Variants in GRM7 observed in about 807,000 individuals in gnomAD.
The protein encoded by GRM7 is glutamate metabotropic receptor 7.
Under a neutral mutation model 84.5 loss-of-function variants are expected in GRM7, and 35 were observed. The ratio of observed to expected loss-of-function variants is 0.41; its 90% CI spans 0.32 to 0.55. GRM7 has a LOEUF of 0.55. GRM7 is among the 20% of genes least tolerant of loss of function. The pLI is 0.19. For synonymous variants in GRM7, 487 were observed against 455.1 expected, an observed-to-expected ratio of 1.07 and a Z score of -0.89; for missense variants, 1,003 against 1,194.6, an observed-to-expected ratio of 0.84 and a Z score of 2.36.
intron 2 of GRM7, among the ~76,000 whole-genome samples, chr3:7,186,507 G>A (rs966375885): frequency 6.6e-6 from 1 of 152,160 alleles, no homozygotes; most frequent in African/African-American, 2.4e-5. Context: ...AATCCTGATT[G>A]TTCATTAAAA....
At chr3:7,646,361 T>A (rs1698637909) in intron 8 of GRM7, among the ~76,000 whole-genome samples, 1 of 151,950 alleles carries the variant, frequency 6.6e-6, no homozygotes, top group African/African-American at 2.4e-5. Context: ...TCGGCTAATT[T>A]TTTTGTATTT....
intron 4 of GRM7, among the ~76,000 whole-genome samples, chr3:7,384,284 C>T (rs1372230869): frequency 3.3e-5 from 5 of 152,068 alleles, no homozygotes; most frequent in Non-Finnish European, 7.4e-5. Context: ...CCACCTTGAC[C>T]CCCCAAAGTG....
At chr3:7,228,138 C>T (rs548210789) in intron 2 of GRM7, among the ~76,000 whole-genome samples, 1 of 152,246 alleles carries the variant, frequency 6.6e-6, no homozygotes, top group East Asian at 1.9e-4. Context: ...GATTGCCCCA[C>T]CTTCAGACCT....
chr3:6,986,851 T>C (rs140024685), intron 1 of GRM7, among the ~76,000 whole-genome samples: 3 of 152,308 alleles, frequency 2.0e-5, no homozygotes, highest in African/African-American at 7.2e-5. Flanking sequence ...GTGAGCTGCA[T>C]GATTGGAGGG....
intron 2 of GRM7, among the ~76,000 whole-genome samples, chr3:7,149,550 G>A (rs553817388): frequency 2.0e-4 from 30 of 152,180 alleles, no homozygotes; most frequent in Admixed American, 5.2e-4. Flanking sequence ...CTGCAGGCTC[G>A]AAAAAGTCAC....
chr3:7,218,549 T>C (rs921740688), intron 2 of GRM7, among the ~76,000 whole-genome samples: 2 of 152,018 alleles, frequency 1.3e-5, no homozygotes, highest in African/African-American at 4.8e-5. Context: ...AAAGGTAAAA[T>C]TTACCTGTAA....
chr3:7,295,157 T>C (rs1699771677), intron 2 of GRM7, among the ~76,000 whole-genome samples: 1 of 152,230 alleles, frequency 6.6e-6, no homozygotes, highest in African/African-American at 2.4e-5. Context: ...CTTGGGTGTA[T>C]TATCCATTTA....
intron 8 of GRM7, among the ~76,000 whole-genome samples, chr3:7,605,506 A>T (rs1696519776): frequency 6.6e-6 from 1 of 152,204 alleles, no homozygotes; most frequent in Admixed American, 6.5e-5. Context: ...TCACAGCAGA[A>T]AAAAATCTTG....
At chr3:6,974,895 T>C (rs181436730) in intron 1 of GRM7, among the ~76,000 whole-genome samples, 175 of 152,228 alleles carry the variant, frequency 1.1e-3, no homozygotes, top group Middle Eastern at 6.8e-3. Flanking sequence ...GTGGAGGAGA[T>C]ATAGAATAAA....
intron 8 of GRM7, among the ~76,000 whole-genome samples, chr3:7,650,621 C>G (rs1475539074): frequency 6.6e-6 from 1 of 152,168 alleles, no homozygotes. Context: ...TACAATAGCA[C>G]TATGAAGTGT....
intron 1 of GRM7, among the ~76,000 whole-genome samples, chr3:7,136,557 A>G (rs761204977): frequency 1.1e-4 from 17 of 152,122 alleles, no homozygotes; most frequent in Non-Finnish European, 2.4e-4. Context: ...CGAGGAAAAG[A>G]AAAGGTGAGA....
intron 9 of GRM7, among the ~76,000 whole-genome samples, chr3:7,709,496 G>A (rs1352076073): frequency 6.6e-6 from 1 of 152,154 alleles, no homozygotes; most frequent in Non-Finnish European, 1.5e-5. Context: ...AGTGGAGACA[G>A]ACAATCAGGC....
chr3:7,217,175 A>C (rs909236481), intron 2 of GRM7, among the ~76,000 whole-genome samples: 1 of 152,196 alleles, frequency 6.6e-6, no homozygotes, highest in African/African-American at 2.4e-5. Flanking sequence ...GGATGCCCAG[A>C]TTCAGAGAGG....
intron 4 of GRM7, among the ~76,000 whole-genome samples, chr3:7,403,811 ATATG>A (rs1695561549): frequency 6.6e-6 from 1 of 151,210 alleles, no homozygotes; most frequent in Non-Finnish European, 1.5e-5. Flanking sequence ...ATATATAAGA[ATATG>A]TGTGTGTGGA....
At chr3:6,907,490 A>G (rs1696623944) in intron 1 of GRM7, among the ~76,000 whole-genome samples, 1 of 152,192 alleles carries the variant, frequency 6.6e-6, no homozygotes, top group African/African-American at 2.4e-5. Context: ...AAAGAACTAT[A>G]GTTAAAACTA....
At chr3:7,626,178 G>T (rs906191448) in intron 8 of GRM7, among the ~76,000 whole-genome samples, 5 of 152,108 alleles carry the variant, frequency 3.3e-5, no homozygotes, top group African/African-American at 1.2e-4. Flanking sequence ...GGGTCATCCA[G>T]CCTGAGCCCT....
At chr3:7,443,572 T>C (rs1697381985) in intron 5 of GRM7, among the ~76,000 whole-genome samples, 1 of 152,158 alleles carries the variant, frequency 6.6e-6, no homozygotes, top group South Asian at 2.1e-4. Context: ...GGAACTGAAT[T>C]TTACTTTTGA....
At chr3:7,047,910 T>C (rs1472684100) in intron 1 of GRM7, among the ~76,000 whole-genome samples, 1 of 152,032 alleles carries the variant, frequency 6.6e-6, no homozygotes, top group African/African-American at 2.4e-5. Flanking sequence ...ATTCTACTAA[T>C]GTCATTAGAT....
chr3:7,029,281 G>GT (rs1010600861), intron 1 of GRM7, among the ~76,000 whole-genome samples: 3 of 143,618 alleles, frequency 2.1e-5, no homozygotes, highest in African/African-American at 8.1e-5. Flanking sequence ...TCTAGCCTGA[G>GT]TGACAGTGAG....
Sources: gnomAD v4.1 joint callset for allele counts (sites outside exome capture counted in the v4.1 genomes callset) on GRCh38, gnomAD v4.1.1 for gene constraint, MANE v1.5 for transcripts, NCBI Gene and HGNC (gene_info 2026-07-23, HGNC 2026-07-21) for gene names.